The following BICDL1 variants were observed in gnomAD, a reference collection of about 807,000 sequenced individuals.
The protein encoded by BICDL1 is BICD family-like cargo adapter 1.
In BICDL1, 20 loss-of-function variants were observed where a neutral mutation model predicts 76.8. The observed-to-expected ratio is 0.26, with a 90% confidence interval of 0.18 to 0.38. BICDL1 has a LOEUF of 0.38. BICDL1 is among the 10% of genes least tolerant of loss of function. The pLI, the probability that BICDL1 is intolerant of heterozygous loss-of-function variation, is 1.00. For missense variants in BICDL1, 700 were observed against 798.6 expected (o/e 0.88, Z 1.49); for synonymous variants, 383 against 337.1 (o/e 1.14, Z -1.49).
chr12:120,028,646 C>T (rs993155875), intron 2 of BICDL1, among the ~76,000 whole-genome samples: 2 of 152,120 alleles, frequency 1.3e-5, no homozygotes, highest in African/African-American at 4.8e-5. Flanking sequence ...CTGCACACTC[C>T]AGCCTGGGCA....
chr12:120,035,995 T>G (rs1167455309), intron 2 of BICDL1, among the ~76,000 whole-genome samples: 1 of 152,160 alleles, frequency 6.6e-6, no homozygotes, highest in South Asian at 2.1e-4. Context: ...TCACTTAACA[T>G]TTAGTTTTTA....
chr12:119,991,012 C>T (rs1020642345), intron 1 of BICDL1, among the ~76,000 whole-genome samples: 1 of 152,194 alleles, frequency 6.6e-6, no homozygotes, highest in Non-Finnish European at 1.5e-5. Context: ...TTATAAAATA[C>T]CTGTTAAGGT....
rs775288158 is a variant in BICDL1, at chr12:120,072,572, G to T, written c.1151G>T (p.Gly384Val). The T allele has an allele frequency of 6.2e-7, 1 of 1,614,156 alleles. No individual in the cohort carries two copies. The highest frequency in any genetic ancestry group is 1.7e-5 in the Admixed American group (1 of 60,016). The change falls in exon 6 of 10, where the codon GGC becomes GTC. Residue 384 changes from glycine (G) to valine (V), a missense_variant. By Grantham distance (109) the Gly-to-Val change is moderately radical. Coordinates refer to ENST00000548673, the MANE Select transcript of BICDL1 (RefSeq NM_001367886.1). ...CGCTATCTGTGCTCACACCTTCGAG[G>T]CAATGACAGTGCTGACTCAGCCGTC... The part of the protein sequence containing the change: ...QVRYLCSHLR[G>V]NDSADSAVST...
At chr12:120,019,984 G>C (rs1020490946) in intron 2 of BICDL1, among the ~76,000 whole-genome samples, 2 of 152,150 alleles carry the variant, frequency 1.3e-5, no homozygotes, top group Non-Finnish European at 2.9e-5. Context: ...AGGATGTATA[G>C]GCAAACCAGA....
rs558780312 is a variant in BICDL1 at position 120,076,777 on chromosome 12, A to G, written c.1452+2191A>G. ...GCAAAGCCACCTCATGGGGAGTAAC[A>G]CTGGCCTCCCAAGGCAGGGGTAGGG... is the stretch of plus-strand genomic sequence containing the variant. On this transcript the variant is annotated intron_variant, in intron 7 of 9. Transcript: ENST00000548673. Among the ~76,000 whole-genome samples the G allele has an allele frequency of 3.9e-5, 6 of 152,348 alleles. No individual in the cohort carries two copies. The South Asian group carries it at 1.0e-3, about 26-fold the overall frequency.
chr12:120,006,531 A>G (rs771422472), intron 2 of BICDL1, among the ~76,000 whole-genome samples: 5 of 152,232 alleles, frequency 3.3e-5, no homozygotes, highest in Non-Finnish European at 2.9e-5. Context: ...TATGAATACA[A>G]TAAAACCAGG....
intron 2 of BICDL1, among the ~76,000 whole-genome samples, chr12:120,050,087 T>C (rs968196232): frequency 2.0e-5 from 3 of 152,194 alleles, no homozygotes; most frequent in Non-Finnish European, 4.4e-5. Context: ...ATGTGCCTAT[T>C]GGCCATTCAT....
chr12:119,999,128 G>T (rs1393270423), intron 2 of BICDL1, among the ~76,000 whole-genome samples: 1 of 149,788 alleles, frequency 6.7e-6, no homozygotes, highest in Non-Finnish European at 1.5e-5. Context: ...TAGATGACAA[G>T]AGCAATTCTG....
In BICDL1 at chr12:120,069,618, T is replaced by C. The variant is rs142230432; in HGVS notation, c.910-2004T>C. On this transcript the variant is annotated intron_variant, in intron 4 of 9. Transcript: ENST00000548673. ...ATGGTTGGGTGGGGGTAGAAACTCT[T>C]GGTATTGCTATCCAGATGCTACTCC... Among the ~76,000 whole-genome samples the C allele has an allele frequency of 2.0e-5, 3 of 152,316 alleles. No homozygotes were observed. In the East Asian group the frequency reaches 5.8e-4, roughly 29 times the overall value.
chr12:120,065,001 G>A, intron 4 of BICDL1, 122 bp downstream of exon 4: 1 of 1,158,224 alleles, frequency 8.6e-7, no homozygotes, highest in Non-Finnish European at 1.2e-6. Context: ...ATGATGCTGA[G>A]GTCTCGCTGT....
intron 2 of BICDL1, among the ~76,000 whole-genome samples, chr12:120,025,717 T>G (rs1281595753): frequency 1.3e-5 from 2 of 152,232 alleles, no homozygotes; most frequent in African/African-American, 4.8e-5. Flanking sequence ...TGTAGTATAG[T>G]TGGAATTTTA....
chr12:120,029,066 T>A (rs1048665164), intron 2 of BICDL1, among the ~76,000 whole-genome samples: 3 of 152,116 alleles, frequency 2.0e-5, no homozygotes, highest in Non-Finnish European at 2.9e-5. Flanking sequence ...TCAGTGAGGA[T>A]CCTCTTAACA....
intron 2 of BICDL1, among the ~76,000 whole-genome samples, chr12:120,022,135 T>C (rs1845628712): frequency 1.3e-5 from 2 of 150,926 alleles, no homozygotes; most frequent in African/African-American, 2.4e-5. Context: ...TGTCAGCCTC[T>C]GGGTTGGAGG....
intron 2 of BICDL1, among the ~76,000 whole-genome samples, chr12:120,057,955 C>T (rs904600155): frequency 1.3e-5 from 2 of 151,384 alleles, no homozygotes; most frequent in African/African-American, 2.4e-5. Context: ...CTCAGCCTCC[C>T]GAATAGCTGG....
Position 120,019,665 on chromosome 12 carries a change from G to A in BICDL1, c.645+20929G>A, listed in dbSNP as rs150771463. 1.4e-4 allele frequency among the ~76,000 whole-genome samples: 22 copies of A among 152,172 alleles called. No individual in the cohort carries two copies. In the East Asian group the frequency reaches 4.2e-3, roughly 29 times the overall value. On this transcript the variant is annotated intron_variant, in intron 2 of 9. Coordinates refer to ENST00000548673, the MANE Select transcript of BICDL1 (RefSeq NM_001367886.1). Reference sequence around the variant, plus strand: ...GAGTCTCTCTGTGTTGCCCAGGCTGGCTTGGAACTCCTGGGCTCAACAGAT... The same window carrying A: ...GAGTCTCTCTGTGTTGCCCAGGCTGACTTGGAACTCCTGGGCTCAACAGAT...
At chr12:120,041,917 G>A (rs753379843) in intron 2 of BICDL1, among the ~76,000 whole-genome samples, 37 of 152,170 alleles carry the variant, frequency 2.4e-4, no homozygotes, top group Non-Finnish European at 4.9e-4. Context: ...TCATGGTAAG[G>A]ACTTTATTAT....
At chr12:120,008,150 C>CTTTTTTTTTTT (rs71072590) in intron 2 of BICDL1, among the ~76,000 whole-genome samples, 2 of 61,716 alleles carry the variant, frequency 3.2e-5, no homozygotes, top group African/African-American at 1.4e-4. Flanking sequence ...ATTACTCTTT[C>CTTTTTTTTTTT]TTTTTTTTTT....
intron 2 of BICDL1, among the ~76,000 whole-genome samples, chr12:120,013,970 T>A (rs1952010715): frequency 6.6e-6 from 1 of 152,218 alleles, no homozygotes; most frequent in African/African-American, 2.4e-5. Context: ...TTAGCTCTTG[T>A]CTAGTCTGAC....
chr12:120,025,423 C>T (rs1952278423), intron 2 of BICDL1, among the ~76,000 whole-genome samples: 1 of 151,564 alleles, frequency 6.6e-6, no homozygotes. Flanking sequence ...CTGGTGTAGA[C>T]CACGGGTCAC....
Sources: allele counts gnomAD v4.1 joint callset (sites outside exome capture counted in the v4.1 genomes callset), GRCh38; gene constraint gnomAD v4.1.1; transcripts MANE v1.5; gene names NCBI Gene and HGNC (gene_info 2026-07-23, HGNC 2026-07-21).